The following GALNTL6 variants were observed in gnomAD, a reference collection of about 807,000 sequenced individuals.
The protein encoded by GALNTL6 is polypeptide N-acetylgalactosaminyltransferase-like 6.
Under a neutral mutation model 73.7 loss-of-function variants are expected in GALNTL6, and 46 were observed. The ratio of observed to expected loss-of-function variants is 0.62; its 90% CI spans 0.49 to 0.80. GALNTL6 has a LOEUF of 0.80. Ranked by LOEUF, GALNTL6 falls within the 30% of genes least tolerant of loss-of-function variation. The pLI is 0.00. For missense variants in GALNTL6, 604 were observed against 755.0 expected, an observed-to-expected ratio of 0.80 and a Z score of 2.34; for synonymous variants, 259 against 263.7, an observed-to-expected ratio of 0.98 and a Z score of 0.17.
chr4:171,952,368 T>C (rs1184872292), intron 2 of GALNTL6, among the ~76,000 whole-genome samples: 3 of 152,010 alleles, frequency 2.0e-5, no homozygotes, highest in Non-Finnish European at 4.4e-5. Context: ...CAACAAGTAC[T>C]TCTCCTTCTT....
intron 7 of GALNTL6, among the ~76,000 whole-genome samples, chr4:172,834,710 C>T (rs1417348374): frequency 6.6e-6 from 1 of 152,200 alleles, no homozygotes; most frequent in African/African-American, 2.4e-5. Context: ...AACCCAACAG[C>T]CAAGAGAGAT....
chr4:172,226,307 C>G (rs1736865234), intron 2 of GALNTL6, among the ~76,000 whole-genome samples: 1 of 151,984 alleles, frequency 6.6e-6, no homozygotes, highest in African/African-American at 2.4e-5. Context: ...TGTCTTATTC[C>G]AGTCTTTCCC....
At chr4:172,133,058 A>G (rs1445535638) in intron 2 of GALNTL6, among the ~76,000 whole-genome samples, 1 of 152,240 alleles carries the variant, frequency 6.6e-6, no homozygotes, top group African/African-American at 2.4e-5. Flanking sequence ...TAACTGAGAA[A>G]TGCACTTTCA....
At chr4:172,697,319 A>T (rs1410624022) in intron 5 of GALNTL6, among the ~76,000 whole-genome samples, 1 of 152,192 alleles carries the variant, frequency 6.6e-6, no homozygotes, top group Non-Finnish European at 1.5e-5. Context: ...CCTGCTCATC[A>T]CACCCATGTC....
chr4:171,931,753 G>A (rs753627589), intron 2 of GALNTL6, among the ~76,000 whole-genome samples: 3 of 152,024 alleles, frequency 2.0e-5, no homozygotes, highest in Non-Finnish European at 4.4e-5. Context: ...ATCCATTCCT[G>A]CTTACTTTTG....
At chr4:172,310,804 AAG>A (rs1275829070) in intron 3 of GALNTL6, among the ~76,000 whole-genome samples, 2 of 151,994 alleles carry the variant, frequency 1.3e-5, no homozygotes, top group African/African-American at 4.8e-5. Context: ...GAAATTATAA[AAG>A]AAAAAAGTAA....
chr4:172,598,987 T>C (rs1163965720), intron 5 of GALNTL6, among the ~76,000 whole-genome samples: 1 of 152,162 alleles, frequency 6.6e-6, no homozygotes, highest in Non-Finnish European at 1.5e-5. Flanking sequence ...GAAACGAGTC[T>C]TTCCTTCATA....
intron 8 of GALNTL6, among the ~76,000 whole-genome samples, chr4:172,889,769 T>C (rs1244588172): frequency 6.6e-6 from 1 of 152,180 alleles, no homozygotes; most frequent in Non-Finnish European, 1.5e-5. Flanking sequence ...ACTAGTTTCA[T>C]GGAATGAGTT....
At chr4:172,266,081 G>A (rs1579314632) in intron 3 of GALNTL6, 2 of 152,072 alleles carry the variant, frequency 1.3e-5, no homozygotes, top group East Asian at 1.9e-4. Context: ...TTCTGAGAGT[G>A]GAGCCCAAGA....
intron 8 of GALNTL6, among the ~76,000 whole-genome samples, chr4:172,891,840 T>G (rs1746048326): frequency 6.6e-6 from 1 of 152,230 alleles, no homozygotes. Flanking sequence ...ATATTTTTGA[T>G]TCTTTTTTAT....
At chr4:172,541,765 T>G (rs1455585305) in intron 5 of GALNTL6, among the ~76,000 whole-genome samples, 1 of 152,158 alleles carries the variant, frequency 6.6e-6, no homozygotes, top group Non-Finnish European at 1.5e-5. Flanking sequence ...GTTGTATGCA[T>G]GCTCACTTGA....
At chr4:172,072,030 T>C (rs6839663) in intron 2 of GALNTL6, among the ~76,000 whole-genome samples, 73,485 of 151,868 alleles carry the variant, frequency 0.48, 18,172 homozygotes, top group Non-Finnish European at 0.5. Context: ...TCTACAAGTC[T>C]GTTTTATAAC....
At chr4:172,268,373 A>C (rs1738522179) in intron 3 of GALNTL6, among the ~76,000 whole-genome samples, 1 of 152,202 alleles carries the variant, frequency 6.6e-6, no homozygotes, top group South Asian at 2.1e-4. Context: ...GCTGCTGTGT[A>C]ATCTCAGCAA....
rs1451706838 is a variant in GALNTL6, at chr4:172,348,695, A to C, written c.553+6A>C. On this transcript the variant is annotated splice_donor_region_variant and intron_variant, in intron 5 of 12. Transcript: ENST00000506823. ...AGATGACTTCAGTGAGAGAGGTAAG[A>C]TACAGTTGATAACATTTTATCTGAT... The C allele has an allele frequency of 6.3e-7, 1 of 1,585,704 alleles. No homozygotes were observed. The highest frequency in any genetic ancestry group is 2.3e-5 in the East Asian group (1 of 44,398).
At chr4:172,474,531 A>C (rs1733165112) in intron 5 of GALNTL6, among the ~76,000 whole-genome samples, 1 of 152,180 alleles carries the variant, frequency 6.6e-6, no homozygotes, top group African/African-American at 2.4e-5. Flanking sequence ...GTTGAATGAC[A>C]GAACTATAAT....
chr4:171,884,234 C>T (rs1337684120), intron 2 of GALNTL6, among the ~76,000 whole-genome samples: 2 of 152,078 alleles, frequency 1.3e-5, no homozygotes, highest in African/African-American at 4.8e-5. Context: ...TTGCTATTAT[C>T]TATGGCCAAA....
intron 2 of GALNTL6, among the ~76,000 whole-genome samples, chr4:172,020,374 GCT>G (rs1560887981): frequency 7.2e-6 from 1 of 139,680 alleles, no homozygotes; most frequent in African/African-American, 2.8e-5. Flanking sequence ...ACAAAAGGTT[GCT>G]TTTTTTTTTT....
rs1740242448 is a variant in GALNTL6, at chr4:172,796,043, A to G, written c.554-13318A>G. On this transcript the variant is annotated intron_variant, in intron 5 of 12. Coordinates refer to ENST00000506823, the MANE Select transcript of GALNTL6 (RefSeq NM_001034845.3). Reference sequence around the variant, plus strand: ...ATAAACCTACACAAAACAGGAAAATATGAACAGTGATTGAACAGTGATTGA... The same window carrying G: ...ATAAACCTACACAAAACAGGAAAATGTGAACAGTGATTGAACAGTGATTGA... Among the ~76,000 whole-genome samples the G allele has an allele frequency of 2.6e-5, 4 of 151,802 alleles. No individual in the cohort carries two copies. In the Middle Eastern group the frequency reaches 0.014, roughly 523 times the overall value.
intron 5 of GALNTL6, among the ~76,000 whole-genome samples, chr4:172,388,023 A>G (rs1361011739): frequency 1.3e-5 from 2 of 152,162 alleles, no homozygotes; most frequent in African/African-American, 4.8e-5. Flanking sequence ...AAGTATAGTT[A>G]CTCACTTGCA....
Sources: gnomAD v4.1 joint callset for allele counts (sites outside exome capture counted in the v4.1 genomes callset) on GRCh38, gnomAD v4.1.1 for gene constraint, MANE v1.5 for transcripts, NCBI Gene and HGNC (gene_info 2026-07-23, HGNC 2026-07-21) for gene names.